Variants in CHN2 observed in about 807,000 individuals in gnomAD.
CHN2 encodes the protein chimerin 2.
Under a neutral mutation model 56.3 loss-of-function variants are expected in CHN2, and 35 were observed. The ratio of observed to expected loss-of-function variants is 0.62; its 90% CI spans 0.47 to 0.82. The LOEUF (loss-of-function observed/expected upper bound fraction) is 0.82. CHN2 is among the 40% of genes least tolerant of loss of function. The pLI is 0.00. For missense variants in CHN2, 491 were observed against 580.5 expected, an observed-to-expected ratio of 0.85 and a Z score of 1.58; for synonymous variants, 210 against 212.8, an observed-to-expected ratio of 0.99 and a Z score of 0.12.
At chr7:29,262,849 A>G (rs1222028650) in intron 1 of CHN2, among the ~76,000 whole-genome samples, 6 of 152,216 alleles carry the variant, frequency 3.9e-5, no homozygotes, top group Non-Finnish European at 8.8e-5. Flanking sequence ...CTAGGTGATG[A>G]TGGGTTGACA....
At chr7:29,318,957 G>A (rs749286089) in intron 1 of CHN2, among the ~76,000 whole-genome samples, 5 of 152,198 alleles carry the variant, frequency 3.3e-5, no homozygotes, top group Non-Finnish European at 5.9e-5. Context: ...GGAAGCTCCA[G>A]TTTCCTTAAT....
Position 29,349,584 on chromosome 7 carries a change from G to A in CHN2, c.50-5041G>A, listed in dbSNP as rs192857969. 2.1e-3 allele frequency among the ~76,000 whole-genome samples: 327 copies of A among 152,268 alleles called. 1 individual carries two copies. Among genetic ancestry groups the A allele is most frequent in the Non-Finnish European group, 3.8e-3 (260 of 68,014 alleles). ...GGTTTACTCTTACACACAGCAGAGC[G>A]ATGAACATCTTGTTCATCTATATCT... is the stretch of plus-strand genomic sequence containing the variant. On this transcript the variant is annotated intron_variant, in intron 1 of 12. Coordinates refer to ENST00000222792, the MANE Select transcript of CHN2 (RefSeq NM_004067.4).
intron 7 of CHN2, among the ~76,000 whole-genome samples, chr7:29,486,282 C>T (rs1410282827): frequency 6.6e-6 from 1 of 152,222 alleles, no homozygotes; most frequent in African/African-American, 2.4e-5. Context: ...GACCGTATCT[C>T]CCTACAGTTG....
chr7:29,483,858 C>T (rs1787642844), intron 7 of CHN2: 2 of 1,299,650 alleles, frequency 1.5e-6, no homozygotes, highest in African/African-American at 1.5e-5. Flanking sequence ...CTCCTGGCCA[C>T]ACCATGTTCT....
At chr7:29,470,506 G>T (rs1334157416) in intron 6 of CHN2, among the ~76,000 whole-genome samples, 2 of 152,080 alleles carry the variant, frequency 1.3e-5, no homozygotes, top group Admixed American at 6.5e-5. Context: ...TAGGTATCTT[G>T]GTTGTTTTTA....
intron 6 of CHN2, among the ~76,000 whole-genome samples, chr7:29,407,026 A>T (rs1802712322): frequency 6.6e-6 from 1 of 152,134 alleles, no homozygotes; most frequent in Non-Finnish European, 1.5e-5. Flanking sequence ...GTGCCTCAGC[A>T]TCTCCCGCAC....
intron 1 of CHN2, among the ~76,000 whole-genome samples, chr7:29,307,925 T>C (rs1202563519): frequency 6.6e-6 from 1 of 152,196 alleles, no homozygotes. Context: ...AGATATTAAA[T>C]TCTTGTTTTT....
intron 1 of CHN2, among the ~76,000 whole-genome samples, chr7:29,338,193 G>C (rs1796768020): frequency 6.6e-6 from 1 of 152,120 alleles, no homozygotes. Flanking sequence ...ATGACTATTG[G>C]GTGTACATGT....
chr7:29,297,436 C>A (rs1373959121), intron 1 of CHN2, among the ~76,000 whole-genome samples: 1 of 152,180 alleles, frequency 6.6e-6, no homozygotes, highest in Non-Finnish European at 1.5e-5. Flanking sequence ...GTCAGAGCTC[C>A]CTCAAAGACC....
At chr7:29,380,242 A>C (rs1424319622) in intron 3 of CHN2, among the ~76,000 whole-genome samples, 1 of 152,052 alleles carries the variant, frequency 6.6e-6, no homozygotes, top group South Asian at 2.1e-4. Flanking sequence ...TGAGTTCTCA[A>C]AGGGGGCAAT....
chr7:29,500,630 A>C (rs1789864612), intron 9 of CHN2, among the ~76,000 whole-genome samples: 1 of 152,192 alleles, frequency 6.6e-6, no homozygotes, highest in African/African-American at 2.4e-5. Flanking sequence ...TCACAAAGCA[A>C]AATGTTTTAA....
At chr7:29,490,215 T>C (rs1256041921) in intron 7 of CHN2, among the ~76,000 whole-genome samples, 1 of 151,904 alleles carries the variant, frequency 6.6e-6, no homozygotes, top group African/African-American at 2.4e-5. Context: ...CTTCTGTAAA[T>C]GTCTTCCTCA....
chr7:29,345,805 C>G (rs1181580780), intron 1 of CHN2, among the ~76,000 whole-genome samples: 1 of 152,128 alleles, frequency 6.6e-6, no homozygotes, highest in Non-Finnish European at 1.5e-5. Context: ...CCGGTGCCCT[C>G]TAGTGACCAC....
At chr7:29,288,000 G>A (rs1792293816) in intron 1 of CHN2, among the ~76,000 whole-genome samples, 1 of 152,092 alleles carries the variant, frequency 6.6e-6, no homozygotes, top group South Asian at 2.1e-4. Context: ...TTCATAACAA[G>A]CATATACTTT....
rs1225011360 is a variant in CHN2 at position 29,330,457 on chromosome 7, TTTTA to T, written c.50-24157_50-24154del. Among the ~76,000 whole-genome samples the T allele has an allele frequency of 2.0e-5, 3 of 152,288 alleles. No individual in the cohort carries two copies. The East Asian group carries it at 5.8e-4, about 29-fold the overall frequency. On this transcript the variant is annotated intron_variant, in intron 1 of 12. Coordinates refer to ENST00000222792, the MANE Select transcript of CHN2 (RefSeq NM_004067.4). ...AAAGAGAGTCCCCCGCTTAGATGGT[TTTTA>T]TTTATTTATTGCAATTAATGAAGAA...
intron 1 of CHN2, among the ~76,000 whole-genome samples, chr7:29,258,497 G>A (rs1302129542): frequency 1.3e-5 from 2 of 152,026 alleles, no homozygotes; most frequent in Admixed American, 1.3e-4. Flanking sequence ...TTTTCTCCAC[G>A]GCCTGTTAAT....
intron 9 of CHN2, among the ~76,000 whole-genome samples, chr7:29,502,304 T>C (rs371378486): frequency 7.0e-4 from 107 of 152,252 alleles, no homozygotes; most frequent in African/African-American, 2.5e-3. Flanking sequence ...AGCTTGTTGC[T>C]CTGTCCTGCT....
At chr7:29,272,748 A>G (rs897078126) in intron 1 of CHN2, among the ~76,000 whole-genome samples, 1 of 152,220 alleles carries the variant, frequency 6.6e-6, no homozygotes, top group African/African-American at 2.4e-5. Context: ...TGATTTGTCA[A>G]TTTACTTCAA....
chr7:29,270,259 C>T (rs9639599), intron 1 of CHN2, among the ~76,000 whole-genome samples: 64,630 of 151,840 alleles, frequency 0.43, 14,343 homozygotes, highest in East Asian at 0.85. Flanking sequence ...TGAACCTGGA[C>T]TCTGAATCCA....
Sources: allele counts gnomAD v4.1 joint callset (sites outside exome capture counted in the v4.1 genomes callset), GRCh38; gene constraint gnomAD v4.1.1; transcripts MANE v1.5; gene names NCBI Gene and HGNC (gene_info 2026-07-23, HGNC 2026-07-21).